TYW1B: variants seen among roughly 807,000 people sequenced by gnomAD.
The protein encoded by TYW1B is tRNA-yW synthesizing protein 1 homolog B.
In TYW1B, 73 loss-of-function variants were observed where a neutral mutation model predicts 86.9. The observed-to-expected ratio is 0.84, with a 90% CI of 0.70 to 1.02. The LOEUF (loss-of-function observed/expected upper bound fraction) is 1.02. Among genes scored for constraint, TYW1B ranks in the 50% least tolerant of loss-of-function variants. The pLI is 0.00. For missense variants in TYW1B, 637 were observed against 827.4 expected (o/e 0.77, Z 2.82); for synonymous variants, 248 against 292.8 (o/e 0.85, Z 1.56).
chr7:72,592,169 A>T (rs1288672030), intron 13 of TYW1B, among the ~76,000 whole-genome samples: 4 of 150,424 alleles, frequency 2.7e-5, no homozygotes, highest in Admixed American at 6.6e-5. Flanking sequence ...TTAAAAAAAA[A>T]AAAAAAAAAA....
intron 9 of TYW1B, among the ~76,000 whole-genome samples, chr7:72,723,508 T>C (rs1212406783): frequency 2.0e-5 from 3 of 152,132 alleles, no homozygotes; most frequent in African/African-American, 7.2e-5. Context: ...GGTTCACACC[T>C]ATAATCCCAA....
At chr7:72,725,167 T>G (rs1317767854) in intron 9 of TYW1B, among the ~76,000 whole-genome samples, 1 of 152,182 alleles carries the variant, frequency 6.6e-6, no homozygotes, top group Non-Finnish European at 1.5e-5. Flanking sequence ...AAAGTCTACC[T>G]CATGGTTTAT....
chr7:72,705,156 T>C (rs1814582813), intron 10 of TYW1B, among the ~76,000 whole-genome samples: 2 of 152,210 alleles, frequency 1.3e-5, no homozygotes, highest in Admixed American at 1.3e-4. Context: ...TTCGTTTCAT[T>C]GTAGCTGTTT....
intron 9 of TYW1B, among the ~76,000 whole-genome samples, chr7:72,719,831 G>C (rs1377953740): frequency 6.6e-6 from 1 of 152,130 alleles, no homozygotes; most frequent in East Asian, 1.9e-4. Context: ...AGACGGAAGA[G>C]CATTCCAGTC....
intron 12 of TYW1B, among the ~76,000 whole-genome samples, chr7:72,619,358 C>T (rs189653057): frequency 8.5e-5 from 13 of 152,194 alleles, no homozygotes; most frequent in South Asian, 4.1e-4. Flanking sequence ...GAAATCATTA[C>T]GGGCCGGGCG....
At chr7:72,769,002 C>T in intron 7 of TYW1B, 1 of 324,806 alleles carries the variant, frequency 3.1e-6, no homozygotes, top group East Asian at 8.2e-5. Flanking sequence ...TATTTTCCTA[C>T]ACATTTATAA....
intron 6 of TYW1B, among the ~76,000 whole-genome samples, chr7:72,779,744 C>T (rs1255890511): frequency 7.3e-6 from 1 of 136,098 alleles, no homozygotes; most frequent in African/African-American, 2.7e-5. Context: ...TTAACACTCA[C>T]AGAAAGTAAG....
At chr7:72,596,462 G>A (rs1349352404) in intron 13 of TYW1B, among the ~76,000 whole-genome samples, 6 of 152,064 alleles carry the variant, frequency 3.9e-5, no homozygotes, top group Non-Finnish European at 7.4e-5. Flanking sequence ...CAATGGAATA[G>A]AGAGCCCAGA....
At chr7:72,695,753 C>T (rs1301927808) in intron 10 of TYW1B, among the ~76,000 whole-genome samples, 3 of 151,876 alleles carry the variant, frequency 2.0e-5, no homozygotes, top group Non-Finnish European at 4.4e-5. Flanking sequence ...CCACCACGCC[C>T]GGCTAATTTT....
chr7:72,575,408 T>C lies in TYW1B; in HGVS notation c.*90A>G. On this transcript the variant is annotated 3_prime_UTR_variant, in exon 14 of 14. Coordinates refer to ENST00000620995, the MANE Select transcript of TYW1B (RefSeq NM_001145440.3). ...CCTTTGTATGAAAGTATAATTTACGTAATTCGTCCTTGGAGAATCAGAGTG... is the reference window on the plus strand; with the variant it reads ...CCTTTGTATGAAAGTATAATTTACGCAATTCGTCCTTGGAGAATCAGAGTG... The C allele has an allele frequency of 6.6e-7, 1 of 1,515,502 alleles. No homozygotes were observed. Among genetic ancestry groups the C allele is most frequent in the Non-Finnish European group, 8.8e-7 (1 of 1,134,566 alleles). 93.9% of individuals were successfully genotyped at this position (1,515,502 alleles called of 1,614,324 possible). A position where few individuals can be genotyped will look rare whatever the true frequency, so the allele number is the denominator to read the frequency against.
At chr7:72,720,317 G>T (rs1424863961) in intron 9 of TYW1B, among the ~76,000 whole-genome samples, 2 of 152,208 alleles carry the variant, frequency 1.3e-5, no homozygotes, top group Non-Finnish European at 2.9e-5. Flanking sequence ...CAGTTCTGGG[G>T]AGAGGAAGAG....
chr7:72,784,905 C>T (rs1380065145), intron 6 of TYW1B, among the ~76,000 whole-genome samples: 2 of 152,052 alleles, frequency 1.3e-5, no homozygotes, highest in Non-Finnish European at 2.9e-5. Flanking sequence ...CAGGAGAAAG[C>T]TCAGCCCCCT....
chr7:72,804,036 G>A (rs1788451475), intron 5 of TYW1B, among the ~76,000 whole-genome samples: 1 of 151,840 alleles, frequency 6.6e-6, no homozygotes, highest in South Asian at 2.1e-4. Context: ...TGTAATCCCA[G>A]CACTTTGGGA....
chr7:72,618,807 G>A (rs879967461), intron 12 of TYW1B, among the ~76,000 whole-genome samples: 6 of 152,126 alleles, frequency 3.9e-5, no homozygotes, highest in Admixed American at 6.6e-5. Flanking sequence ...AGAAACCAAC[G>A]ACTAACAGAA....
intron 6 of TYW1B, among the ~76,000 whole-genome samples, chr7:72,783,710 C>T (rs1241847240): frequency 1.3e-5 from 2 of 152,186 alleles, no homozygotes; most frequent in Admixed American, 6.6e-5. Flanking sequence ...TGCCCAAGCA[C>T]GTCAAGAGCT....
chr7:72,624,731 C>T (rs1377730816), intron 12 of TYW1B, among the ~76,000 whole-genome samples: 6 of 152,152 alleles, frequency 3.9e-5, no homozygotes, highest in Non-Finnish European at 8.8e-5. Context: ...GTAACATGAA[C>T]TGTTATTTAT....
intron 13 of TYW1B, among the ~76,000 whole-genome samples, chr7:72,598,336 G>C (rs1437621015): frequency 1.1e-4 from 16 of 152,020 alleles, no homozygotes; most frequent in African/African-American, 3.9e-4. Context: ...CTTGCAGACA[G>C]CTTATTGTGG....
chr7:72,818,614 TAC>T, intron 2 of TYW1B, among the ~76,000 whole-genome samples: 1 of 103,062 alleles, frequency 9.7e-6, no homozygotes, highest in South Asian at 3.1e-4. Context: ...AAAAAAGAAA[TAC>T]TTGAGACTGG....
At chr7:72,781,335 C>T (rs1217114580) in intron 6 of TYW1B, among the ~76,000 whole-genome samples, 2 of 152,100 alleles carry the variant, frequency 1.3e-5, no homozygotes, top group African/African-American at 4.8e-5. Flanking sequence ...CATGTCTTGG[C>T]ATCACCCCAC....
Sources: gnomAD v4.1 joint callset for allele counts (sites outside exome capture counted in the v4.1 genomes callset) on GRCh38, gnomAD v4.1.1 for gene constraint, MANE v1.5 for transcripts, NCBI Gene and HGNC (gene_info 2026-07-23, HGNC 2026-07-21) for gene names.